CFAP46: variants seen among roughly 807,000 people sequenced by gnomAD.
CFAP46 encodes the protein cilia- and flagella-associated protein 46.
Under a neutral mutation model 325.7 loss-of-function variants are expected in CFAP46, and 245 were observed. That is an observed-to-expected ratio of 0.75 (90% CI 0.68 to 0.84). The LOEUF (loss-of-function observed/expected upper bound fraction) is 0.84. CFAP46 is among the 40% of genes least tolerant of loss of function. The pLI is 0.00. For synonymous variants in CFAP46, 1,523 were observed against 1,495.9 expected, an observed-to-expected ratio of 1.02 and a Z score of -0.42; for missense variants, 3,346 against 3,543.0, an observed-to-expected ratio of 0.94 and a Z score of 1.41.
At chr10:132,837,597 G>C (rs1432557384) in intron 44 of CFAP46, among the ~76,000 whole-genome samples, 1 of 69,316 alleles carries the variant, frequency 1.4e-5, no homozygotes, top group Non-Finnish European at 2.7e-5. Flanking sequence ...ACACAGATGC[G>C]CACGGACACA....
In CFAP46 at chr10:132,847,567, A is replaced by G. The variant is rs1463090301; in HGVS notation, c.5953-246T>C. ...GCCTGGGCGAGGGGATGCTGCAGCC[A>G]GGGTGAGGACGCAGACCCCTGAGGA... On this transcript the variant is annotated intron_variant, in intron 41 of 57. Transcript: ENST00000368586. The surrounding 1 kb of genome is among the most constrained non-coding windows in gnomAD (Gnocchi z 5.2). Among the ~76,000 whole-genome samples the G allele has an allele frequency of 2.0e-5, 3 of 152,040 alleles. No individual in the cohort carries two copies. The highest frequency in any genetic ancestry group is 7.2e-5 in the African/African-American group (3 of 41,412).
rs962114848 is a variant in CFAP46, at chr10:132,827,748, A to G, written c.7117+5610T>C. On this transcript the variant is annotated intron_variant, in intron 50 of 57. Transcript: ENST00000368586. The surrounding 1 kb of genome is among the most constrained non-coding windows in gnomAD (Gnocchi z 5.7). ...AAATGCCTGCAACCCTCCCTCCTGCACCCACGACCCTCCCCCAACTTCTCC... is the reference window on the plus strand; with the variant it reads ...AAATGCCTGCAACCCTCCCTCCTGCGCCCACGACCCTCCCCCAACTTCTCC... Among the ~76,000 whole-genome samples, 6 of 151,750 alleles carry G rather than the reference A, an allele frequency of 4.0e-5. No individual in the cohort carries two copies. The highest frequency in any genetic ancestry group is 7.4e-5 in the Non-Finnish European group (5 of 67,886).
rs980921897 is a variant in CFAP46, at chr10:132,939,352, A to T, written c.372-599T>A. On this transcript the variant is annotated intron_variant, in intron 4 of 57. Transcript: ENST00000368586. This position sits in a 1 kb window ranked among gnomAD's most constrained non-coding sequence, Gnocchi z 4.6. ...GGGTGGGCTGGAAGAGTGAGCAGAG[A>T]CCCCTCTCAGGGGTCTGGGCCTCTC... 6.6e-6 allele frequency among the ~76,000 whole-genome samples: 1 copy of T among 151,864 alleles called. No homozygotes were observed. Among genetic ancestry groups the T allele is most frequent in the African/African-American group, 2.4e-5 (1 of 41,350 alleles).
intron 45 of CFAP46, among the ~76,000 whole-genome samples, 179 bp downstream of exon 45, chr10:132,836,638 C>G (rs1848252917): frequency 6.9e-6 from 1 of 144,546 alleles, no homozygotes; most frequent in Non-Finnish European, 1.5e-5. Context: ...CTGGACGGCC[C>G]CCCCCCCTTG....
rs1386303600 is a variant in CFAP46, at chr10:132,887,329, C to T, written c.3305-1370G>A. Among the ~76,000 whole-genome samples, 7 of 101,248 alleles carry T rather than the reference C, an allele frequency of 6.9e-5. 1 individual carries two copies. Among genetic ancestry groups the T allele is most frequent in the African/African-American group, 3.2e-4 (7 of 21,900 alleles). 66.4% of individuals were successfully genotyped at this position (101,248 alleles called of 152,430 possible). ...CTCTTCTCTCCCCTCTCTCCTCTCT[C>T]GCTTCTCTCTCTCCTCTCCTCTCCT... On this transcript the variant is annotated intron_variant, in intron 25 of 57. Coordinates refer to ENST00000368586, the MANE Select transcript of CFAP46 (RefSeq NM_001200049.3).
intron 50 of CFAP46, among the ~76,000 whole-genome samples, chr10:132,819,287 T>C (rs908504941): frequency 2.6e-5 from 4 of 152,234 alleles, no homozygotes; most frequent in African/African-American, 9.6e-5. Flanking sequence ...CCTGTGTTCA[T>C]GGATTGGAAG....
chr10:132,821,230 C>T (rs1184058435), intron 50 of CFAP46, among the ~76,000 whole-genome samples: 1 of 111,278 alleles, frequency 9.0e-6, no homozygotes, highest in Non-Finnish European at 1.8e-5. Context: ...TGTGTGTGTG[C>T]TGATGTGTGC....
chr10:132,891,347 C>G (rs907923644), intron 25 of CFAP46, among the ~76,000 whole-genome samples: 2 of 152,198 alleles, frequency 1.3e-5, no homozygotes, highest in Admixed American at 6.5e-5. Context: ...CAAGGGTGGA[C>G]AGGCCTCATC....
rs970077402 is a variant in CFAP46 at position 132,886,311 on chromosome 10, T to C, written c.3305-352A>G. Among the ~76,000 whole-genome samples the C allele has an allele frequency of 6.6e-6, 1 of 151,942 alleles. No individual in the cohort carries two copies. Among genetic ancestry groups the C allele is most frequent in the Non-Finnish European group, 1.5e-5 (1 of 67,966 alleles). ...GCAGGACTTGGGGTCCTTTCAGGAGTTGCATGGAAAGCTCCCCCGCGGCCG... is the reference window on the plus strand; with the variant it reads ...GCAGGACTTGGGGTCCTTTCAGGAGCTGCATGGAAAGCTCCCCCGCGGCCG... On this transcript the variant is annotated intron_variant, in intron 25 of 57. Transcript: ENST00000368586. The surrounding 1 kb of genome is among the most constrained non-coding windows in gnomAD (Gnocchi z 5.8).
intron 13 of CFAP46, among the ~76,000 whole-genome samples, chr10:132,921,651 T>C (rs551748129): frequency 6.6e-6 from 1 of 152,222 alleles, no homozygotes; most frequent in South Asian, 2.1e-4. Context: ...TCAAATGAGG[T>C]CATCAGGGTG....
intron 44 of CFAP46, among the ~76,000 whole-genome samples, chr10:132,841,892 C>T (rs1417014050): frequency 2.6e-5 from 4 of 152,238 alleles, no homozygotes; most frequent in African/African-American, 4.8e-5. Flanking sequence ...CCTCCATGGC[C>T]TCCAGGCTTG....
Position 132,834,113 on chromosome 10 carries a change from G to C in CFAP46, c.6877C>G (p.Pro2293Ala). 1 of 1,614,096 alleles carries C rather than the reference G, an allele frequency of 6.2e-7. No homozygotes were observed. The highest frequency in any genetic ancestry group is 8.5e-7 in the Non-Finnish European group (1 of 1,179,990). ...TTCCCTGAATCGGCAACAACCGCAG[G>C]TGTCTGCACTCTGAAAGTCAGGTTA... ...LSLSKARVQT[P>A]AVVADSGKSK... The change falls in exon 49 of 58, where the codon CCT becomes GCT. Residue 2293 changes from proline (P) to alanine (A), a missense_variant. Coordinates refer to ENST00000368586, the MANE Select transcript of CFAP46 (RefSeq NM_001200049.3).
chr10:132,932,251 T>TCCTCCCCACACAGAGCCTGGGCCTC (rs1849921103), intron 8 of CFAP46, among the ~76,000 whole-genome samples: 4 of 113,708 alleles, frequency 3.5e-5, no homozygotes, highest in African/African-American at 1.6e-4. Flanking sequence ...GCCTGGGCCT[T>TCCTCCCCACACAGAGCCTGGGCCTC]CCTCCTCCCC....
rs755884868 is a variant in CFAP46, at chr10:132,850,446, G to A, written c.5764-14C>T. On this transcript the variant is annotated splice_polypyrimidine_tract_variant and intron_variant, in intron 40 of 57. Coordinates refer to ENST00000368586, the MANE Select transcript of CFAP46 (RefSeq NM_001200049.3). The stretch of plus-strand genomic sequence containing the variant: ...CGTGAACCATTGCTTCGAAAAGACA[G>A]ACATGTTACAGCTGCCACCCCAAGG... 2 of 1,543,414 alleles carry A rather than the reference G, an allele frequency of 1.3e-6. No homozygotes were observed. The highest frequency in any genetic ancestry group is 4.7e-5 in the East Asian group (2 of 42,154).
intron 48 of CFAP46, 34 bp downstream of exon 48, chr10:132,834,620 G>A (rs754198854): frequency 6.8e-6 from 11 of 1,609,712 alleles, no homozygotes; most frequent in Non-Finnish European, 8.5e-6. Flanking sequence ...GCGTGAGCGT[G>A]GTGGGGTGCC....
intron 9 of CFAP46, 103 bp downstream of exon 9, chr10:132,929,602 G>C: frequency 9.2e-7 from 1 of 1,088,210 alleles, no homozygotes; most frequent in East Asian, 2.4e-5. Flanking sequence ...CGAAGCCCTG[G>C]GGGCCGTGGC....
intron 17 of CFAP46, among the ~76,000 whole-genome samples, chr10:132,913,850 G>A (rs537399388): frequency 9.8e-5 from 13 of 133,180 alleles, no homozygotes; most frequent in Non-Finnish European, 1.1e-4. Flanking sequence ...GCCCCCCGCC[G>A]GCCTGCGCGC....
chr10:132,836,685 G>A, intron 45 of CFAP46, 132 bp downstream of exon 45: 1 of 775,446 alleles, frequency 1.3e-6, no homozygotes, highest in South Asian at 1.6e-5. Context: ...TCTTGGGACT[G>A]TCCGGGCGTT....
At chr10:132,908,884 C>A (rs541500823) in intron 21 of CFAP46, among the ~76,000 whole-genome samples, 1 of 152,208 alleles carries the variant, frequency 6.6e-6, no homozygotes, top group Non-Finnish European at 1.5e-5. Flanking sequence ...TGCCCCTGAG[C>A]GGCTCAGGGT....
Sources: gnomAD v4.1 joint callset for allele counts (sites outside exome capture counted in the v4.1 genomes callset) on GRCh38, gnomAD v4.1.1 for gene constraint, Gnocchi (gnomAD v3.1) non-coding constraint, MANE v1.5 for transcripts, NCBI Gene and HGNC (gene_info 2026-07-23, HGNC 2026-07-21) for gene names.